The following ABCA13 variants were observed in gnomAD, a reference collection of about 807,000 sequenced individuals.
ABCA13 encodes the protein ATP binding cassette subfamily A member 13.
In ABCA13, 476 loss-of-function variants were observed where a neutral mutation model predicts 478.7. The ratio of observed to expected loss-of-function variants is 0.99; its 90% CI spans 0.92 to 1.07. ABCA13 has a LOEUF of 1.07. Ranked by LOEUF, ABCA13 falls within the 50% of genes least tolerant of loss-of-function variation. The probability of loss-of-function intolerance (pLI) is 0.00; values close to 1 mark genes in which losing one functional copy is unlikely to be tolerated. For missense variants in ABCA13, 6,060 were observed against 5,910.6 expected, an observed-to-expected ratio of 1.03 and a Z score of -0.83; for synonymous variants, 2,252 against 2,158.9, an observed-to-expected ratio of 1.04 and a Z score of -1.20.
At chr7:48,229,793 T>A in intron 6 of ABCA13, 32 bp from the exon 7 acceptor site, 3 of 1,613,008 alleles carry the variant, frequency 1.9e-6, no homozygotes, top group Non-Finnish European at 2.5e-6. Context: ...AACTACCCAC[T>A]CATATTGCTT....
At position 48,279,780 on chromosome 7, in the gene ABCA13, A is replaced by G. The variant is rs1331456487; in HGVS notation, c.8586A>G (p.Thr2862=). The change falls in exon 18 of 62, where the codon ACA becomes ACG. Residue 2862 remains threonine (T), a synonymous_variant. Transcript: ENST00000435803. ...FIKATTGKNV[T]SEKEERTKKE... is the part of the protein sequence containing the mutation. ...AAGCAACCACCGGAAAGAATGTCAC[A>G]TCAGAAAAAGAAGAGAGAACCAAGA... The G allele has an allele frequency of 1.2e-6, 2 of 1,607,002 alleles. No homozygotes were observed. Among genetic ancestry groups the G allele is most frequent in the East Asian group, 2.2e-5 (1 of 44,804 alleles).
chr7:48,571,509 G>GA (rs1787644677), intron 55 of ABCA13, among the ~76,000 whole-genome samples: 1 of 143,106 alleles, frequency 7.0e-6, no homozygotes, highest in Admixed American at 6.9e-5. Flanking sequence ...TTAACCTTTT[G>GA]ACACTTTGTG....
chr7:48,467,334 AC>A (rs1185840734), intron 44 of ABCA13, among the ~76,000 whole-genome samples: 5 of 152,184 alleles, frequency 3.3e-5, no homozygotes, highest in Non-Finnish European at 7.3e-5. Context: ...GTTTAATAAA[AC>A]CCAAAGCTGA....
At chr7:48,420,930 T>G (rs181182950) in intron 41 of ABCA13, among the ~76,000 whole-genome samples, 39 of 152,270 alleles carry the variant, frequency 2.6e-4, no homozygotes, top group Admixed American at 1.1e-3. Flanking sequence ...TTTCCTTGAC[T>G]TTCATGACCT....
chr7:48,461,188 A>T (rs534118320), intron 43 of ABCA13, among the ~76,000 whole-genome samples: 1 of 152,302 alleles, frequency 6.6e-6, no homozygotes, highest in East Asian at 1.9e-4. Flanking sequence ...GATGGAGAGG[A>T]TGTAGCACAC....
chr7:48,301,122 C>T (rs1800091433), intron 23 of ABCA13, among the ~76,000 whole-genome samples: 2 of 152,146 alleles, frequency 1.3e-5, no homozygotes, highest in East Asian at 1.9e-4. Flanking sequence ...TTTCACAGTC[C>T]TCAGTGGATT....
rs1796012525 is a variant in ABCA13 at position 48,274,346 on chromosome 7, T to C, written c.4680T>C (p.Gly1560=). The C allele has an allele frequency of 1.9e-6, 3 of 1,613,382 alleles. No homozygotes were observed. The East Asian group carries it at 6.7e-5, about 36-fold the overall frequency. Residue 1560 remains glycine (G), a synonymous_variant, in exon 17 of 62, where the codon GGT becomes GGC. Coordinates refer to ENST00000435803, the MANE Select transcript of ABCA13 (RefSeq NM_152701.5). ...AGGAATTTCAGAAGCTTGTAAAAGG[T>C]ATTTACTTTAACATCCTGGAAAATA... ...LGKEFQKLVK[G]IYFNILENNS...
At chr7:48,606,906 C>T (rs1791528316) in intron 58 of ABCA13, among the ~76,000 whole-genome samples, 1 of 152,202 alleles carries the variant, frequency 6.6e-6, no homozygotes, top group Admixed American at 6.5e-5. Context: ...TCCAGAGATG[C>T]CCTGCCGAGA....
At chr7:48,616,288 G>T (rs1219541759) in intron 59 of ABCA13, among the ~76,000 whole-genome samples, 1 of 152,126 alleles carries the variant, frequency 6.6e-6, no homozygotes, top group Admixed American at 6.5e-5. Flanking sequence ...GCACTGCTGG[G>T]ATGGTCAGCC....
intron 29 of ABCA13, among the ~76,000 whole-genome samples, chr7:48,344,275 C>A (rs539058226): frequency 6.6e-6 from 1 of 152,328 alleles, no homozygotes; most frequent in South Asian, 2.1e-4. Context: ...CTGCATGGAA[C>A]AGCCCTCCAC....
intron 1 of ABCA13, among the ~76,000 whole-genome samples, chr7:48,183,470 C>T (rs1226335702): frequency 2.0e-5 from 3 of 152,166 alleles, no homozygotes; most frequent in Non-Finnish European, 2.9e-5. Flanking sequence ...TTACCTATCT[C>T]ACTGGTTGTT....
At chr7:48,296,738 A>G (rs1216445957) in intron 21 of ABCA13, among the ~76,000 whole-genome samples, 1 of 152,116 alleles carries the variant, frequency 6.6e-6, no homozygotes, top group Non-Finnish European at 1.5e-5. Flanking sequence ...CTGGGATTAC[A>G]GGCTGAGCCA....
chr7:48,472,438 C>T (rs1315391457), intron 45 of ABCA13, among the ~76,000 whole-genome samples: 1 of 152,102 alleles, frequency 6.6e-6, no homozygotes, highest in East Asian at 1.9e-4. Context: ...GTGGGACACA[C>T]TTCCAAGTTA....
In ABCA13 at chr7:48,583,204, C is replaced by A. The variant is rs144108279; in HGVS notation, c.14505+2830C>A. Among the ~76,000 whole-genome samples, 350 of 152,254 alleles carry A rather than the reference C, an allele frequency of 2.3e-3. 1 individual carries two copies. The highest frequency in any genetic ancestry group is 8.0e-3 in the African/African-American group (331 of 41,564). Reference sequence around the variant, plus strand: ...ACTGTGTCTTGCTTCCCCTTATCTTCTGTAAAGACATGACTTTTATATTTA... The same window carrying A: ...ACTGTGTCTTGCTTCCCCTTATCTTATGTAAAGACATGACTTTTATATTTA... On this transcript the variant is annotated intron_variant, in intron 56 of 61. Transcript: ENST00000435803.
chr7:48,275,358 T>C lies in ABCA13; in HGVS notation c.5692T>C (p.Ser1898Pro), dbSNP rs1378522810. 6.8e-6 allele frequency: 11 copies of C among 1,613,844 alleles called. No individual in the cohort carries two copies. The highest frequency in any genetic ancestry group is 1.3e-5 in the African/African-American group (1 of 74,932). ...AATTCATGAATTAGTGGACTGGAAT[T>C]CTATTCTTCTGGAGCTCTCTGAAGT... is the stretch of plus-strand genomic sequence containing the variant. ...CIIHELVDWN[S>P]ILLELSEVFH... The change falls in exon 17 of 62, where the codon TCT becomes CCT. Residue 1898 changes from serine (S) to proline (P), a missense_variant. By Grantham distance (74) the Ser-to-Pro change is moderately conservative. Transcript: ENST00000435803.
chr7:48,206,606 T>A lies in ABCA13; in HGVS notation c.287+8246T>A, dbSNP rs7791372. 3.5e-5 allele frequency among the ~76,000 whole-genome samples: 5 copies of A among 144,544 alleles called. No individual in the cohort carries two copies. In the South Asian group the frequency reaches 6.5e-4, roughly 19 times the overall value. The allele number at this position is 144,544 out of a possible 152,430, so 94.8% of individuals were successfully genotyped here. On this transcript the variant is annotated intron_variant, in intron 3 of 61. Coordinates refer to ENST00000435803, the MANE Select transcript of ABCA13 (RefSeq NM_152701.5). ...CTTTTCTGTTTTTTTGGTTAATTTT[T>A]AAAAAAAATTTTGTTTCTGAATATA...
At chr7:48,534,815 G>C (rs909364628) in intron 55 of ABCA13, among the ~76,000 whole-genome samples, 1 of 152,244 alleles carries the variant, frequency 6.6e-6, no homozygotes, top group Non-Finnish European at 1.5e-5. Context: ...ACTTTCCAGT[G>C]CGTGTTGCAT....
intron 42 of ABCA13, among the ~76,000 whole-genome samples, 185 bp downstream of exon 42, chr7:48,428,056 GA>G (rs34529024): frequency 6.9e-4 from 102 of 147,174 alleles, no homozygotes; most frequent in East Asian, 2.4e-3. Flanking sequence ...ATCCTGGCTT[GA>G]AAAAAAAAAA....
At position 48,516,826 on chromosome 7, in the gene ABCA13, G is replaced by A. The variant is rs371697963; in HGVS notation, c.13742G>A (p.Cys4581Tyr). The A allele has an allele frequency of 3.1e-6, 5 of 1,613,656 alleles. No individual in the cohort carries two copies. Among genetic ancestry groups the A allele is most frequent in the Non-Finnish European group, 4.2e-6 (5 of 1,179,696 alleles). Residue 4581 changes from cysteine to tyrosine, a missense_variant, in exon 52 of 62, where the codon TGT (cysteine) becomes TAT (tyrosine). Physicochemically the swap from Cys to Tyr is radical, Grantham distance 194 (BLOSUM62 -2). Around this residue, in one of 3 missense-constraint regions of ABCA13, gnomAD observed 1,627 missense variants for 1,571.0 expected, o/e 1.04. Coordinates refer to ENST00000435803, the MANE Select transcript of ABCA13 (RefSeq NM_152701.5). ...YVSLNFIFGL[C>Y]TMLITIMPRL... ...TCACTAAACTTCATCTTTGGCCTTTGTACCATGCTCATAACCATTATGCCC... is the reference window on the plus strand; with the variant it reads ...TCACTAAACTTCATCTTTGGCCTTTATACCATGCTCATAACCATTATGCCC...
Sources: allele counts gnomAD v4.1 joint callset (sites outside exome capture counted in the v4.1 genomes callset), GRCh38; gene constraint gnomAD v4.1.1; regional missense constraint gnomAD v4.1.1; transcripts MANE v1.5; gene names NCBI Gene and HGNC (gene_info 2026-07-23, HGNC 2026-07-21).